EIF3M: variants seen among roughly 807,000 people sequenced by gnomAD.
EIF3M encodes the protein eukaryotic translation initiation factor 3 subunit M, also known as B5 receptor.
A neutral mutation model predicts 49.7 loss-of-function variants in EIF3M; 25 were observed. The observed-to-expected ratio is 0.50, with a 90% confidence interval of 0.37 to 0.70. The LOEUF is 0.70. Among genes scored for constraint, EIF3M ranks in the 30% least tolerant of loss-of-function variants. EIF3M has a pLI of 0.00. For missense variants in EIF3M, 350 were observed against 440.0 expected (o/e 0.80, Z 1.83); for synonymous variants, 156 against 149.8 (o/e 1.04, Z -0.30).
At chr11:32,600,616 T>G in intron 8 of EIF3M, 73 bp from the exon 9 acceptor site, 7 of 1,406,606 alleles carry the variant, frequency 5.0e-6, no homozygotes, top group Non-Finnish European at 6.5e-6. Flanking sequence ...TTCCACAGCT[T>G]AACATGAGAT....
chr11:32,593,164 A>G (rs970298847), intron 5 of EIF3M, among the ~76,000 whole-genome samples: 4 of 152,230 alleles, frequency 2.6e-5, no homozygotes, highest in Non-Finnish European at 5.9e-5. Flanking sequence ...AGGAAAAGAA[A>G]AACCTCTTCC....
intron 7 of EIF3M, 58 bp from the exon 8 acceptor site, chr11:32,595,908 C>T: frequency 1.6e-6 from 2 of 1,222,462 alleles, no homozygotes; most frequent in South Asian, 2.7e-5. Flanking sequence ...CTTAGAATAT[C>T]TTACAATAAA....
chr11:32,596,616 AAAAAG>A (rs1855184313), intron 8 of EIF3M, among the ~76,000 whole-genome samples: 2 of 134,424 alleles, frequency 1.5e-5, no homozygotes, highest in Middle Eastern at 3.9e-3. Context: ...AAAAAAAAAA[AAAAAG>A]AAAGAAAAGA....
intron 1 of EIF3M, among the ~76,000 whole-genome samples, chr11:32,586,381 A>G (rs1854997952): frequency 6.6e-6 from 1 of 152,224 alleles, no homozygotes; most frequent in African/African-American, 2.4e-5. Flanking sequence ...TTGTGTTTTT[A>G]TAGGTCCGAA....
chr11:32,599,195 A>G (rs1398217027), intron 8 of EIF3M, among the ~76,000 whole-genome samples: 1 of 152,032 alleles, frequency 6.6e-6, no homozygotes, highest in Non-Finnish European at 1.5e-5. Context: ...TTGCCCTAAC[A>G]TGTCCACATG....
chr11:32,602,860 T>C lies in EIF3M; in HGVS notation c.*461T>C, dbSNP rs1251041474. The C allele has an allele frequency of 6.2e-7, 1 of 1,611,032 alleles. No homozygotes were observed. On this transcript the variant is annotated 3_prime_UTR_variant, in exon 11 of 11. Transcript: ENST00000531120. ...CAACGTCTCTTCTGCTTTTCTTTTC[T>C]TTGGCTGGTTGTCATTTTCTAAACT...
chr11:32,601,068 A>T, intron 9 of EIF3M: 1 of 328,274 alleles, frequency 3.0e-6, no homozygotes, highest in Non-Finnish European at 5.4e-6. Flanking sequence ...GCAATACACC[A>T]CTGTGGTTAA....
chr11:32,601,604 T>A, intron 9 of EIF3M, 158 bp from the exon 10 acceptor site: 1 of 576,200 alleles, frequency 1.7e-6, no homozygotes, highest in Non-Finnish European at 3.0e-6. Flanking sequence ...TTTCTTTTGG[T>A]TGCCCCATAC....
chr11:32,588,388 G>GAAAAAAAAAAAAAAAAAAAAAAA (rs71463359), intron 2 of EIF3M, among the ~76,000 whole-genome samples: 1 of 93,060 alleles, frequency 1.1e-5, no homozygotes. Flanking sequence ...GACTTCATCT[G>GAAAAAAAAAAAAAAAAAAAAAAA]AAAAAAAAAA....
At chr11:32,596,312 G>T (rs537258136) in intron 8 of EIF3M, among the ~76,000 whole-genome samples, 1 of 152,204 alleles carries the variant, frequency 6.6e-6, no homozygotes, top group Non-Finnish European at 1.5e-5. Flanking sequence ...ACAACTCGGG[G>T]CCCAGCGCGG....
chr11:32,586,326 G>T (rs1854997341), intron 1 of EIF3M, among the ~76,000 whole-genome samples: 1 of 152,188 alleles, frequency 6.6e-6, no homozygotes, highest in South Asian at 2.1e-4. Flanking sequence ...ATATAATTCG[G>T]TAGTAGGGTA....
intron 2 of EIF3M, among the ~76,000 whole-genome samples, chr11:32,588,359 A>G (rs1465605489): frequency 1.4e-5 from 2 of 145,870 alleles, no homozygotes; most frequent in Non-Finnish European, 3.0e-5. Flanking sequence ...ACTGCACCCC[A>G]GCCTGGGCAA....
At chr11:32,586,262 A>C (rs1391692094) in intron 1 of EIF3M, among the ~76,000 whole-genome samples, 1 of 151,786 alleles carries the variant, frequency 6.6e-6, no homozygotes, top group Non-Finnish European at 1.5e-5. Flanking sequence ...ACAAAAAAAA[A>C]CTGCGTTTGT....
At chr11:32,595,565 C>T (rs544608352) in intron 7 of EIF3M, among the ~76,000 whole-genome samples, 42 of 152,304 alleles carry the variant, frequency 2.8e-4, no homozygotes, top group African/African-American at 9.9e-4. Flanking sequence ...CTCACTTACT[C>T]ATCATTATAG....
chr11:32,601,758 T>G lies in EIF3M; in HGVS notation c.944-4T>G. 6.2e-7 allele frequency: 1 copy of G among 1,610,170 alleles called. No individual in the cohort carries two copies. Among genetic ancestry groups the G allele is most frequent in the Non-Finnish European group, 8.5e-7 (1 of 1,178,736 alleles). On this transcript the variant is annotated splice_polypyrimidine_tract_variant and splice_region_variant and intron_variant, in intron 9 of 10. Transcript: ENST00000531120. ...AACATACGATATAAAACATCTTTTT[T>G]CAGCCGTAAGAACTAAAATGGTCTA... is the stretch of plus-strand genomic sequence containing the variant.
chr11:32,588,804 G>A, intron 3 of EIF3M, 72 bp downstream of exon 3: 2 of 1,592,634 alleles, frequency 1.3e-6, no homozygotes, highest in African/African-American at 1.4e-5. Flanking sequence ...TAATGGTGCA[G>A]AGCAGGAATT....
chr11:32,597,203 T>A (rs1480655678), intron 8 of EIF3M, among the ~76,000 whole-genome samples: 1 of 152,272 alleles, frequency 6.6e-6, no homozygotes, highest in East Asian at 1.9e-4. Flanking sequence ...TTAAAGGTAC[T>A]TTATTAAGCT....
At chr11:32,588,220 C>G (rs1408333822) in intron 2 of EIF3M, among the ~76,000 whole-genome samples, 2 of 151,982 alleles carry the variant, frequency 1.3e-5, no homozygotes, top group Non-Finnish European at 2.9e-5. Flanking sequence ...GAAACCCCGT[C>G]TCTACTAAAA....
At chr11:32,593,468 T>C (rs962928326) in intron 5 of EIF3M, among the ~76,000 whole-genome samples, 1 of 152,216 alleles carries the variant, frequency 6.6e-6, no homozygotes, top group Non-Finnish European at 1.5e-5. Context: ...TGGTTTTCCC[T>C]CTGCTTGGAA....
Sources: gnomAD v4.1 joint callset for allele counts (sites outside exome capture counted in the v4.1 genomes callset) on GRCh38, gnomAD v4.1.1 for gene constraint, MANE v1.5 for transcripts, NCBI Gene and HGNC (gene_info 2026-07-23, HGNC 2026-07-21) for gene names.